TBC1D5: variants seen among roughly 807,000 people sequenced by gnomAD.
TBC1D5 encodes the protein TBC1 domain family, member 5.
In TBC1D5, 75 loss-of-function variants were observed where a neutral mutation model predicts 100.3. That is an observed-to-expected ratio of 0.75 (90% CI 0.62 to 0.91). TBC1D5 has a LOEUF of 0.91. Ranked by LOEUF, TBC1D5 falls within the 40% of genes least tolerant of loss-of-function variation. The pLI is 0.00. For synonymous variants in TBC1D5, 323 were observed against 325.6 expected (o/e 0.99, Z 0.09); for missense variants, 910 against 942.4 (o/e 0.97, Z 0.45).
chr3:17,310,671 C>G (rs570102676), intron 13 of TBC1D5, among the ~76,000 whole-genome samples: 2 of 151,460 alleles, frequency 1.3e-5, no homozygotes, highest in South Asian at 2.1e-4. Flanking sequence ...AGTGGTGGCA[C>G]AAAAATAATC....
chr3:17,304,533 G>C (rs979579798), intron 14 of TBC1D5, among the ~76,000 whole-genome samples: 3 of 152,072 alleles, frequency 2.0e-5, no homozygotes, highest in Non-Finnish European at 4.4e-5. Flanking sequence ...TCAGCCTCGT[G>C]AGTAGCTAGG....
At chr3:17,248,658 G>T in intron 16 of TBC1D5, among the ~76,000 whole-genome samples, 1 of 152,156 alleles carries the variant, frequency 6.6e-6, no homozygotes, top group East Asian at 1.9e-4. Flanking sequence ...GGGTGACCAG[G>T]TGCATTGTTA....
At chr3:17,430,735 AT>A (rs2094434280) in intron 3 of TBC1D5, among the ~76,000 whole-genome samples, 1 of 151,888 alleles carries the variant, frequency 6.6e-6, no homozygotes, top group Non-Finnish European at 1.5e-5. Context: ...TAAACTCTTA[AT>A]TTTAGTATGG....
chr3:17,251,334 G>A (rs1000523289), intron 16 of TBC1D5, among the ~76,000 whole-genome samples: 3 of 151,156 alleles, frequency 2.0e-5, no homozygotes, highest in African/African-American at 7.3e-5. Flanking sequence ...TTCCTTGGCT[G>A]TTTGGAGGCT....
intron 2 of TBC1D5, among the ~76,000 whole-genome samples, chr3:17,589,872 C>T (rs940542898): frequency 1.3e-5 from 2 of 152,090 alleles, no homozygotes; most frequent in Non-Finnish European, 2.9e-5. Flanking sequence ...CATGTGAATA[C>T]CTACCTGCAA....
At chr3:17,347,422 C>A (rs2090037396) in intron 13 of TBC1D5, among the ~76,000 whole-genome samples, 1 of 152,080 alleles carries the variant, frequency 6.6e-6, no homozygotes, top group African/African-American at 2.4e-5. Context: ...ACCTTTAAAA[C>A]TGTTCTTGTT....
At chr3:17,278,065 G>A (rs2080208783) in intron 15 of TBC1D5, among the ~76,000 whole-genome samples, 1 of 152,220 alleles carries the variant, frequency 6.6e-6, no homozygotes, top group African/African-American at 2.4e-5. Context: ...CAACTAGGAT[G>A]TGATAGGTAT....
At chr3:17,700,764 G>C (rs150530253) in intron 1 of TBC1D5, among the ~76,000 whole-genome samples, 1 of 152,048 alleles carries the variant, frequency 6.6e-6, no homozygotes, top group Non-Finnish European at 1.5e-5. Context: ...GAAATGCAAA[G>C]CAAAACCACA....
intron 1 of TBC1D5, among the ~76,000 whole-genome samples, chr3:17,658,499 T>G (rs995840732): frequency 1.3e-5 from 2 of 151,940 alleles, no homozygotes; most frequent in African/African-American, 2.4e-5. Flanking sequence ...ATTAAAAGCA[T>G]AGTAAAAATA....
chr3:17,162,707 C>T (rs988593491), intron 21 of TBC1D5, among the ~76,000 whole-genome samples: 3 of 152,206 alleles, frequency 2.0e-5, no homozygotes, highest in Non-Finnish European at 4.4e-5. Context: ...TAGAGAAGGA[C>T]TGTCTTTTTT....
chr3:17,455,466 ATGTG>A (rs1426791811), intron 3 of TBC1D5, among the ~76,000 whole-genome samples: 1 of 146,304 alleles, frequency 6.8e-6, no homozygotes, highest in African/African-American at 2.5e-5. Flanking sequence ...GTGTATATAT[ATGTG>A]TATATATATG....
At chr3:17,664,050 ATTTTCTG>A (rs1281275085) in intron 1 of TBC1D5, among the ~76,000 whole-genome samples, 1 of 151,924 alleles carries the variant, frequency 6.6e-6, no homozygotes, top group Non-Finnish European at 1.5e-5. Flanking sequence ...TCTAACAATC[ATTTTCTG>A]TTTTCTGTTT....
chr3:17,695,151 T>C lies in TBC1D5; in HGVS notation c.-101+44192A>G, dbSNP rs545028942. On this transcript the variant is annotated intron_variant, in intron 1 of 21. Coordinates refer to ENST00000253692, the Ensembl canonical transcript of TBC1D5. The stretch of plus-strand genomic sequence containing the variant: ...AAGCCACTGCAAAAACATGCCAAAT[T>C]GTAAAGACCATCAATGCTATGAAGA... 2.6e-5 allele frequency among the ~76,000 whole-genome samples: 4 copies of C among 152,250 alleles called. No homozygotes were observed. In the South Asian group the frequency reaches 6.2e-4, roughly 24 times the overall value.
chr3:17,521,333 T>C (rs2096061424), intron 2 of TBC1D5, among the ~76,000 whole-genome samples: 1 of 152,208 alleles, frequency 6.6e-6, no homozygotes. Context: ...CTACTCAATG[T>C]GAAGCCAACA....
intron 15 of TBC1D5, among the ~76,000 whole-genome samples, chr3:17,258,959 T>C (rs1278662121): frequency 6.6e-6 from 1 of 152,128 alleles, no homozygotes; most frequent in East Asian, 1.9e-4. Flanking sequence ...ACATAAGGTG[T>C]CAAGGTAACT....
chr3:17,577,452 A>T (rs1052426835), intron 2 of TBC1D5, among the ~76,000 whole-genome samples: 2 of 152,012 alleles, frequency 1.3e-5, no homozygotes, highest in African/African-American at 4.8e-5. Flanking sequence ...TTTTAAATAT[A>T]TACTGTCTTC....
chr3:17,547,845 T>C (rs1216775682), intron 2 of TBC1D5, among the ~76,000 whole-genome samples: 1 of 152,260 alleles, frequency 6.6e-6, no homozygotes, highest in Admixed American at 6.5e-5. Flanking sequence ...TCAATTATAC[T>C]TCCTCACTCT....
At chr3:17,658,336 C>T (rs188005867) in intron 1 of TBC1D5, among the ~76,000 whole-genome samples, 5 of 152,138 alleles carry the variant, frequency 3.3e-5, no homozygotes, top group African/African-American at 1.2e-4. Flanking sequence ...AAGATTATAG[C>T]ATCACTCTGT....
chr3:17,289,265 C>T (rs927703327), intron 15 of TBC1D5, among the ~76,000 whole-genome samples: 2 of 152,244 alleles, frequency 1.3e-5, no homozygotes, highest in South Asian at 2.1e-4. Flanking sequence ...CCACAGGATC[C>T]GGGCTGGTGT....
Sources: allele counts gnomAD v4.1 joint callset (sites outside exome capture counted in the v4.1 genomes callset), GRCh38; gene constraint gnomAD v4.1.1; transcripts MANE v1.5; gene names NCBI Gene and HGNC (gene_info 2026-07-23, HGNC 2026-07-21).